The following LRMDA variants were observed in gnomAD, a reference collection of about 807,000 sequenced individuals.
LRMDA encodes the protein leucine rich melanocyte differentiation associated, also known as leucine-rich melanocyte differentiation-associated protein.
LRMDA carries 18 observed loss-of-function variants against 29.8 expected under a neutral mutation model. The ratio of observed to expected loss-of-function variants is 0.60; its 90% CI spans 0.42 to 0.90. LRMDA has a LOEUF of 0.90. Ranked by LOEUF, LRMDA falls within the 40% of genes least tolerant of loss-of-function variation. The pLI, the probability that LRMDA is intolerant of heterozygous loss-of-function variation, is 0.00. For missense variants in LRMDA, 273 were observed against 273.9 expected (o/e 1.00, Z 0.02); for synonymous variants, 125 against 109.4 (o/e 1.14, Z -0.89).
At chr10:75,442,962 T>C (rs948116308) in intron 2 of LRMDA, among the ~76,000 whole-genome samples, 1 of 152,140 alleles carries the variant, frequency 6.6e-6, no homozygotes, top group African/African-American at 2.4e-5. Context: ...TCCTATAAAA[T>C]ATTTTATTTT....
intron 6 of LRMDA, among the ~76,000 whole-genome samples, chr10:76,365,390 C>T (rs1262065158): frequency 1.3e-5 from 2 of 152,098 alleles, no homozygotes; most frequent in African/African-American, 4.8e-5. Flanking sequence ...TCCCTGTTCA[C>T]TGCATCCATT....
intron 6 of LRMDA, among the ~76,000 whole-genome samples, chr10:76,404,922 G>A (rs568773782): frequency 6.6e-6 from 1 of 152,308 alleles, no homozygotes; most frequent in Admixed American, 6.5e-5. Context: ...TTGGAGTGAT[G>A]TAAGTTGAAG....
At chr10:75,766,585 T>C (rs1457190307) in intron 2 of LRMDA, among the ~76,000 whole-genome samples, 1 of 152,322 alleles carries the variant, frequency 6.6e-6, no homozygotes. Flanking sequence ...TCTTTCTTTT[T>C]TTAGATTTGC....
Position 75,452,992 on chromosome 10 carries a change from A to G in LRMDA, c.131+14498A>G, listed in dbSNP as rs184892226. ...GATGGAGTCTCAAATTATTTTAGTA[A>G]ATGTGGGGATCTTTTGAGAGGAAAA... On this transcript the variant is annotated intron_variant, in intron 2 of 6. Coordinates refer to ENST00000611255, the MANE Select transcript of LRMDA (RefSeq NM_001305581.2). Among the ~76,000 whole-genome samples, 8 of 152,290 alleles carry G rather than the reference A, an allele frequency of 5.3e-5. No homozygotes were observed. In the East Asian group the frequency reaches 1.3e-3, roughly 26 times the overall value.
chr10:75,576,887 C>T (rs767274081), intron 2 of LRMDA, among the ~76,000 whole-genome samples: 19 of 152,264 alleles, frequency 1.2e-4, no homozygotes, highest in Admixed American at 5.2e-4. Flanking sequence ...CGAAGGTCAC[C>T]GACTTCAAAG....
intron 6 of LRMDA, chr10:76,402,135 T>C (rs1841855837): frequency 6.6e-6 from 1 of 152,112 alleles, no homozygotes; most frequent in African/African-American, 2.4e-5. Context: ...GGCATTTGAG[T>C]GGACATCTGC....
intron 2 of LRMDA, among the ~76,000 whole-genome samples, chr10:75,953,966 T>C (rs991394361): frequency 2.0e-5 from 3 of 152,164 alleles, no homozygotes; most frequent in Non-Finnish European, 2.9e-5. Context: ...TTCACCTGGT[T>C]GAAGCAGAGA....
At chr10:75,639,569 T>C (rs78156848) in intron 2 of LRMDA, among the ~76,000 whole-genome samples, 1,801 of 152,248 alleles carry the variant, frequency 0.012, 18 homozygotes, top group Non-Finnish European at 0.021. Context: ...CGTGAAGAAG[T>C]TGGGCAGAGG....
rs1218743181 is a variant in LRMDA, at chr10:76,363,276, A to AAGGAAAGAAAGGAAGG, written c.601+38792_601+38793insGGAAAGAAAGGAAGGA. Reference sequence around the variant, plus strand: ...GAAAGAAGGAAGGAAGGAAGGAAGGAAAGGAAGGAAGGAAGGAAGGAAGGG... The same window carrying AAGGAAAGAAAGGAAGG: ...GAAAGAAGGAAGGAAGGAAGGAAGGAAGGAAAGAAAGGAAGGAAGGAAGGAAGGAAGGAAGGAAGGG... On this transcript the variant is annotated intron_variant, in intron 6 of 6. Transcript: ENST00000611255. Among the ~76,000 whole-genome samples the AAGGAAAGAAAGGAAGG allele has an allele frequency of 3.4e-5, 2 of 58,804 alleles. 1 individual carries two copies. The highest frequency in any genetic ancestry group is 1.7e-4 in the African/African-American group (2 of 11,730). 38.6% of individuals were successfully genotyped at this position (58,804 alleles called of 152,430 possible). A position where few individuals can be genotyped will look rare whatever the true frequency, so the allele number is the denominator to read the frequency against.
intron 5 of LRMDA, among the ~76,000 whole-genome samples, chr10:76,203,439 G>A (rs1417998574): frequency 1.3e-5 from 2 of 152,172 alleles, no homozygotes. Flanking sequence ...ACTGTCCCTG[G>A]CCCAAAGTAT....
intron 6 of LRMDA, among the ~76,000 whole-genome samples, chr10:76,425,746 T>TC (rs1589179325): frequency 7.2e-6 from 1 of 139,566 alleles, no homozygotes; most frequent in South Asian, 2.5e-4. Flanking sequence ...ATGCTATCCC[T>TC]TCCCCCTCCC....
intron 2 of LRMDA, among the ~76,000 whole-genome samples, chr10:75,879,809 C>T (rs1395305494): frequency 1.3e-5 from 2 of 152,034 alleles, no homozygotes; most frequent in Non-Finnish European, 1.5e-5. Flanking sequence ...TTACTTTTTC[C>T]ATTTCTTGGA....
chr10:76,476,004 G>C (rs542025374), intron 6 of LRMDA, among the ~76,000 whole-genome samples: 1 of 152,074 alleles, frequency 6.6e-6, no homozygotes, highest in Admixed American at 6.6e-5. Flanking sequence ...AGAAGCAAGA[G>C]GAAACACATT....
At chr10:75,970,438 C>T (rs1341500174) in intron 2 of LRMDA, among the ~76,000 whole-genome samples, 1 of 152,230 alleles carries the variant, frequency 6.6e-6, no homozygotes, top group Non-Finnish European at 1.5e-5. Flanking sequence ...TATCTGCATT[C>T]TGCAAAGGAT....
At chr10:76,520,108 G>A (rs1843103497) in intron 6 of LRMDA, among the ~76,000 whole-genome samples, 1 of 152,064 alleles carries the variant, frequency 6.6e-6, no homozygotes, top group African/African-American at 2.4e-5. Context: ...TTGTGTTGGA[G>A]TATCTGGTTA....
chr10:75,768,165 G>C (rs540501872), intron 2 of LRMDA, among the ~76,000 whole-genome samples: 1 of 152,166 alleles, frequency 6.6e-6, no homozygotes, highest in Non-Finnish European at 1.5e-5. Flanking sequence ...ACAGCCATGG[G>C]AATCCAGTAC....
At chr10:75,652,124 C>A (rs542764250) in intron 2 of LRMDA, among the ~76,000 whole-genome samples, 2 of 152,326 alleles carry the variant, frequency 1.3e-5, no homozygotes, top group African/African-American at 4.8e-5. Flanking sequence ...TCCTGGGCAT[C>A]CTAAAACCAG....
chr10:76,091,831 G>A (rs1393067043), intron 5 of LRMDA, among the ~76,000 whole-genome samples: 2 of 151,746 alleles, frequency 1.3e-5, no homozygotes, highest in Non-Finnish European at 2.9e-5. Context: ...GACTACAGGT[G>A]TGTGCCACCA....
At chr10:75,692,226 A>G (rs1259821216) in intron 2 of LRMDA, among the ~76,000 whole-genome samples, 3 of 79,188 alleles carry the variant, frequency 3.8e-5, no homozygotes, top group East Asian at 3.1e-4. Flanking sequence ...AAAAATATAT[A>G]TATATATATA....
Sources: allele counts gnomAD v4.1 joint callset (sites outside exome capture counted in the v4.1 genomes callset), GRCh38; gene constraint gnomAD v4.1.1; transcripts MANE v1.5; gene names NCBI Gene and HGNC (gene_info 2026-07-23, HGNC 2026-07-21).